RIPOR3: variants seen among roughly 807,000 people sequenced by gnomAD.
RIPOR3 encodes the protein RIPOR family member 3, also known as family with sequence similarity 65 member C.
RIPOR3 carries 95 observed loss-of-function variants against 114.3 expected under a neutral mutation model. That is an observed-to-expected ratio of 0.83 (90% CI 0.70 to 0.99). RIPOR3 has a LOEUF of 0.99. RIPOR3 is among the 50% of genes least tolerant of loss of function. The pLI is 0.00. For synonymous variants in RIPOR3, 575 were observed against 543.8 expected (o/e 1.06, Z -0.80); for missense variants, 1,252 against 1,266.9 (o/e 0.99, Z 0.18).
chr20:50,669,577 C>T (rs538653664), intron 1 of RIPOR3, among the ~76,000 whole-genome samples: 4 of 152,122 alleles, frequency 2.6e-5, no homozygotes, highest in African/African-American at 9.7e-5. Context: ...TAGAAGTCAC[C>T]GCTGCGCACT....
At chr20:50,668,534 ATCCAGAC>A (rs1376232066) in intron 1 of RIPOR3, among the ~76,000 whole-genome samples, 3 of 151,942 alleles carry the variant, frequency 2.0e-5, no homozygotes, top group Non-Finnish European at 4.4e-5. Context: ...CCACACAACA[ATCCAGAC>A]TCAGAGAATG....
intron 12 of RIPOR3, among the ~76,000 whole-genome samples, chr20:50,604,140 G>T (rs1041608225): frequency 1.7e-4 from 26 of 151,448 alleles, no homozygotes; most frequent in African/African-American, 6.3e-4. Context: ...AGCTGACATT[G>T]CGTGACTGCA....
intron 1 of RIPOR3, among the ~76,000 whole-genome samples, chr20:50,652,125 A>G (rs189280360): frequency 2.5e-4 from 38 of 152,286 alleles, no homozygotes; most frequent in African/African-American, 8.7e-4. Context: ...CTTGATCTAC[A>G]TGAAGCCTGA....
At chr20:50,634,582 C>T (rs1271305733) in intron 1 of RIPOR3, among the ~76,000 whole-genome samples, 1 of 152,152 alleles carries the variant, frequency 6.6e-6, no homozygotes, top group Non-Finnish European at 1.5e-5. Context: ...TTTATTGAAC[C>T]AGAAAACAAT....
At chr20:50,609,525 C>T in intron 7 of RIPOR3, 48 bp downstream of exon 7, 6 of 1,434,554 alleles carry the variant, frequency 4.2e-6, no homozygotes, top group Non-Finnish European at 5.5e-6. Context: ...CACTGCCCGG[C>T]CCAGCTCTTG....
intron 19 of RIPOR3, chr20:50,590,144 C>T (rs1006606361): frequency 1.3e-5 from 3 of 235,440 alleles, no homozygotes; most frequent in Admixed American, 4.7e-5. Context: ...CAGCTGAAAA[C>T]GGGCAAGGCT....
chr20:50,608,398 A>T lies in RIPOR3; in HGVS notation c.947T>A (p.Val316Glu), dbSNP rs747793812. The T allele has an allele frequency of 6.2e-7, 1 of 1,613,750 alleles. No homozygotes were observed. Among genetic ancestry groups the T allele is most frequent in the Non-Finnish European group, 8.5e-7 (1 of 1,179,872 alleles). The change falls in exon 11 of 22, where the codon GTG becomes GAG. Residue 316 changes from valine to glutamate, a missense_variant. Transcript: ENST00000327979. ...ELGTIKLQLE[V>E]QWNPFDTESF... Reference sequence around the variant, plus strand: ...GCTGGACGGGACTCACTTCCACTGCACCTCCAGCTGCAGCTTGATGGTACC... The same window carrying T: ...GCTGGACGGGACTCACTTCCACTGCTCCTCCAGCTGCAGCTTGATGGTACC...
intron 1 of RIPOR3, among the ~76,000 whole-genome samples, chr20:50,690,824 G>A (rs933217571): frequency 2.0e-5 from 3 of 152,176 alleles, no homozygotes; most frequent in African/African-American, 7.2e-5. Flanking sequence ...ACAGTGCCTG[G>A]CGTATAGCAG....
chr20:50,610,406 C>T (rs1323064649), intron 6 of RIPOR3, among the ~76,000 whole-genome samples: 3 of 152,222 alleles, frequency 2.0e-5, no homozygotes, highest in Non-Finnish European at 4.4e-5. Context: ...CTGCCACCCA[C>T]TGGGCAGTGT....
intron 1 of RIPOR3, among the ~76,000 whole-genome samples, chr20:50,644,851 T>TC (rs1247835970): frequency 2.0e-5 from 3 of 150,506 alleles, no homozygotes; most frequent in African/African-American, 7.3e-5. Context: ...TTTATTTTTT[T>TC]TTTTTGAGAC....
At chr20:50,672,617 G>A (rs540854252) in intron 1 of RIPOR3, among the ~76,000 whole-genome samples, 12 of 152,312 alleles carry the variant, frequency 7.9e-5, no homozygotes, top group African/African-American at 1.2e-4. Flanking sequence ...CCATGGCTCC[G>A]TCAGTGGCCA....
chr20:50,629,025 C>T (rs1463013699), intron 2 of RIPOR3, among the ~76,000 whole-genome samples: 2 of 152,120 alleles, frequency 1.3e-5, no homozygotes, highest in African/African-American at 4.8e-5. Context: ...TAGCAGGAAG[C>T]CAATGCCTGC....
chr20:50,690,826 G>C (rs189029242), intron 1 of RIPOR3, among the ~76,000 whole-genome samples: 3 of 152,158 alleles, frequency 2.0e-5, no homozygotes, highest in Non-Finnish European at 4.4e-5. Flanking sequence ...AGTGCCTGGC[G>C]TATAGCAGAT....
chr20:50,662,615 G>A (rs1002265183), intron 1 of RIPOR3, among the ~76,000 whole-genome samples: 7 of 152,318 alleles, frequency 4.6e-5, no homozygotes, highest in South Asian at 4.1e-4. Flanking sequence ...CTCTCGGGTG[G>A]CCCACCACTG....
At chr20:50,682,051 C>T (rs112569783) in intron 1 of RIPOR3, among the ~76,000 whole-genome samples, 244 of 152,320 alleles carry the variant, frequency 1.6e-3, no homozygotes, top group Admixed American at 4.6e-3. Context: ...ATTCAGCATA[C>T]GATTTCATAT....
At chr20:50,629,614 C>T (rs1001356680) in intron 2 of RIPOR3, among the ~76,000 whole-genome samples, 20 of 152,188 alleles carry the variant, frequency 1.3e-4, no homozygotes, top group Admixed American at 6.5e-5. Context: ...TCAATGCTGC[C>T]CCCCAGGCCC....
At chr20:50,668,745 T>C (rs2086347491) in intron 1 of RIPOR3, among the ~76,000 whole-genome samples, 1 of 151,864 alleles carries the variant, frequency 6.6e-6, no homozygotes, top group Non-Finnish European at 1.5e-5. Flanking sequence ...TAATCCCAGC[T>C]ACTTGGGAGG....
In RIPOR3 at chr20:50,621,764, C is replaced by A. The variant is rs78349617; in HGVS notation, c.123-1632G>T. On this transcript the variant is annotated intron_variant, in intron 2 of 21. Coordinates refer to ENST00000327979, the MANE Select transcript of RIPOR3 (RefSeq NM_001290268.2). ...CTAGCTATGTCTAAAGCTGAACCTG[C>A]CCGTGGACTTTGCAGTTACATGAGC... 7.0e-4 allele frequency among the ~76,000 whole-genome samples: 106 copies of A among 152,262 alleles called. 2 individuals carry two copies. In the East Asian group the frequency reaches 0.019, roughly 28 times the overall value.
At chr20:50,650,644 TCA>T (rs1385421144) in intron 1 of RIPOR3, among the ~76,000 whole-genome samples, 1 of 152,090 alleles carries the variant, frequency 6.6e-6, no homozygotes, top group Non-Finnish European at 1.5e-5. Flanking sequence ...ATTCAGTCCA[TCA>T]CAGTCTCCTG....
Sources: allele counts gnomAD v4.1 joint callset (sites outside exome capture counted in the v4.1 genomes callset), GRCh38; gene constraint gnomAD v4.1.1; transcripts MANE v1.5; gene names NCBI Gene and HGNC (gene_info 2026-07-23, HGNC 2026-07-21).